TTC39C: variants seen among roughly 807,000 people sequenced by gnomAD.
The protein encoded by TTC39C is tetratricopeptide repeat protein 39C.
In TTC39C, 33 loss-of-function variants were observed where a neutral mutation model predicts 76.3. That is an observed-to-expected ratio of 0.43 (90% CI 0.33 to 0.58). The LOEUF is 0.58. TTC39C is among the 20% of genes least tolerant of loss of function. The pLI is 0.04. For missense variants in TTC39C, 595 were observed against 701.4 expected (o/e 0.85, Z 1.71); for synonymous variants, 254 against 260.6 (o/e 0.97, Z 0.24).
At chr18:24,018,571 A>G (rs983971928) in intron 1 of TTC39C, among the ~76,000 whole-genome samples, 7 of 152,260 alleles carry the variant, frequency 4.6e-5, no homozygotes, top group South Asian at 4.2e-4. Context: ...AGACATACGC[A>G]TGGTCCCCTG....
intron 1 of TTC39C, among the ~76,000 whole-genome samples, chr18:24,021,491 GA>G (rs1188046504): frequency 6.6e-6 from 1 of 151,234 alleles, no homozygotes; most frequent in Non-Finnish European, 1.5e-5. Flanking sequence ...ATGCCTCCTT[GA>G]AGTGGATTTG....
At chr18:24,104,552 G>T (rs983537593) in intron 6 of TTC39C, among the ~76,000 whole-genome samples, 2 of 152,144 alleles carry the variant, frequency 1.3e-5, no homozygotes, top group Admixed American at 6.6e-5. Context: ...ACGTGAAGGG[G>T]TTTCCTTATT....
rs553751691 is a variant in TTC39C at position 24,105,746 on chromosome 18, C to T, written c.985-8808C>T. 3.7e-3 allele frequency among the ~76,000 whole-genome samples: 568 copies of T among 152,340 alleles called. 4 individuals carry two copies. The highest frequency in any genetic ancestry group is 0.013 in the African/African-American group (553 of 41,576). Reference sequence around the variant, plus strand: ...ATCCCCAAAGAAGGGACACCCCTGACCGTTGGTGTCTTCGTTTCCCACGGC... The same window carrying T: ...ATCCCCAAAGAAGGGACACCCCTGATCGTTGGTGTCTTCGTTTCCCACGGC... On this transcript the variant is annotated intron_variant, in intron 6 of 13. Transcript: ENST00000317571.
chr18:24,023,989 T>G (rs1270984585), intron 1 of TTC39C, among the ~76,000 whole-genome samples: 15 of 5,008 alleles, frequency 3.0e-3, no homozygotes, highest in African/African-American at 5.9e-3. Context: ...TACATATATA[T>G]ATATATATAT....
chr18:23,999,409 T>A (rs2083294428), intron 1 of TTC39C, among the ~76,000 whole-genome samples: 1 of 152,166 alleles, frequency 6.6e-6, no homozygotes, highest in Non-Finnish European at 1.5e-5. Flanking sequence ...CCACCACACT[T>A]CGAAATCGTC....
At chr18:24,130,286 A>T in intron 11 of TTC39C, 27 bp from the exon 12 acceptor site, 1 of 1,314,268 alleles carries the variant, frequency 7.6e-7, no homozygotes, top group Non-Finnish European at 1.1e-6. Context: ...AAATGAATTC[A>T]TCCAATAACA....
intron 1 of TTC39C, among the ~76,000 whole-genome samples, chr18:24,018,006 A>T (rs1194657398): frequency 6.6e-6 from 1 of 152,160 alleles, no homozygotes; most frequent in Non-Finnish European, 1.5e-5. Flanking sequence ...CCTGAAGGCC[A>T]CTCTTGAATT....
intron 1 of TTC39C, among the ~76,000 whole-genome samples, chr18:23,994,828 C>T (rs1254133148): frequency 2.0e-5 from 3 of 152,094 alleles, no homozygotes; most frequent in Admixed American, 6.5e-5. Context: ...CGCGCTGATG[C>T]GTGAACTCCA....
At chr18:24,088,790 C>G (rs1271341276) in intron 6 of TTC39C, among the ~76,000 whole-genome samples, 1 of 152,190 alleles carries the variant, frequency 6.6e-6, no homozygotes, top group Non-Finnish European at 1.5e-5. Context: ...TGGTTCCTTT[C>G]AAGAGGGTGG....
chr18:24,097,079 T>C (rs1424568565), intron 6 of TTC39C, among the ~76,000 whole-genome samples: 1 of 152,208 alleles, frequency 6.6e-6, no homozygotes, highest in African/African-American at 2.4e-5. Flanking sequence ...CCTTTTTCGA[T>C]GAGAGGAATG....
intron 3 of TTC39C, among the ~76,000 whole-genome samples, chr18:24,067,092 C>A (rs1188416637): frequency 2.6e-5 from 4 of 152,276 alleles, no homozygotes; most frequent in Non-Finnish European, 5.9e-5. Flanking sequence ...TGGCAAAAAT[C>A]CTGTTATTTC....
chr18:24,023,990 ATATATATATATATATATATATATATATTT>A (rs2083560117), intron 1 of TTC39C, among the ~76,000 whole-genome samples: 1 of 4,280 alleles, frequency 2.3e-4, no homozygotes, highest in African/African-American at 6.7e-4. Flanking sequence ...ACATATATAT[ATATATATATATATATATATATATATATTT>A]TTTTTTTTTT....
intron 1 of TTC39C, among the ~76,000 whole-genome samples, chr18:24,046,882 A>G (rs1236301664): frequency 6.6e-6 from 1 of 151,790 alleles, no homozygotes; most frequent in East Asian, 1.9e-4. Flanking sequence ...CACAGAAAAA[A>G]TACATTTAAA....
chr18:24,028,877 C>T (rs1480321478), intron 1 of TTC39C, among the ~76,000 whole-genome samples: 2 of 151,750 alleles, frequency 1.3e-5, no homozygotes, highest in Non-Finnish European at 2.9e-5. Context: ...CACATGCCAC[C>T]ACGCCTGGCT....
chr18:24,125,192 C>T (rs1049106886), intron 9 of TTC39C, among the ~76,000 whole-genome samples: 1 of 152,152 alleles, frequency 6.6e-6, no homozygotes, highest in Non-Finnish European at 1.5e-5. Flanking sequence ...ATGCCTGGCC[C>T]CACCCTGCAT....
intron 6 of TTC39C, among the ~76,000 whole-genome samples, chr18:24,091,985 C>G (rs535988009): frequency 6.8e-6 from 1 of 147,888 alleles, no homozygotes; most frequent in Non-Finnish European, 1.5e-5. Context: ...CCCAGCTACT[C>G]GGGAGGCTGA....
chr18:24,057,887 C>A lies in TTC39C; in HGVS notation c.168-6253C>A, dbSNP rs1307682095. On this transcript the variant is annotated intron_variant, in intron 1 of 13. Transcript: ENST00000317571. The stretch of plus-strand genomic sequence containing the variant: ...TGTGTGTTCATTGCAGCACTATTCA[C>A]AATAGCAAAGACATAGAGTCAACCT... Among the ~76,000 whole-genome samples the A allele has an allele frequency of 2.0e-5, 3 of 152,136 alleles. No homozygotes were observed. The East Asian group carries it at 5.8e-4, about 29-fold the overall frequency.
At position 24,132,596 on chromosome 18, in the gene TTC39C, G is replaced by A. The variant is rs371932283; in HGVS notation, c.*22G>A. The A allele has an allele frequency of 4.4e-5, 71 of 1,599,086 alleles. No individual in the cohort carries two copies. Among genetic ancestry groups the A allele is most frequent in the African/African-American group, 5.4e-5 (4 of 74,366 alleles). ...GTGACAGACCCGGAACACCCGCTCCGTCCCTCCCCACCCAGGGTCCGCACT... is the reference window on the plus strand; with the variant it reads ...GTGACAGACCCGGAACACCCGCTCCATCCCTCCCCACCCAGGGTCCGCACT... On this transcript the variant is annotated 3_prime_UTR_variant, in exon 14 of 14. Transcript: ENST00000317571.
chr18:24,023,993 T>G (rs1460644792), intron 1 of TTC39C, among the ~76,000 whole-genome samples: 7 of 5,894 alleles, frequency 1.2e-3, no homozygotes, highest in East Asian at 3.2e-3. Flanking sequence ...TATATATATA[T>G]ATATATATAT....
Sources: allele counts gnomAD v4.1 joint callset (sites outside exome capture counted in the v4.1 genomes callset), GRCh38; gene constraint gnomAD v4.1.1; transcripts MANE v1.5; gene names NCBI Gene and HGNC (gene_info 2026-07-23, HGNC 2026-07-21).